The following MYCBP2 variants were observed in gnomAD, a reference collection of about 807,000 sequenced individuals.
MYCBP2 encodes MYC binding protein 2, also known as E3 ubiquitin-protein ligase MYCBP2.
MYCBP2 carries 120 observed loss-of-function variants against 525.3 expected under a neutral mutation model. The observed-to-expected ratio is 0.23, with a 90% CI of 0.20 to 0.27. The LOEUF is 0.27. Among genes scored for constraint, MYCBP2 ranks in the 10% least tolerant of loss-of-function variants. MYCBP2 has a pLI of 1.00. For synonymous variants in MYCBP2, 1,894 were observed against 1,955.8 expected (o/e 0.97, Z 0.83); for missense variants, 4,149 against 5,657.1 (o/e 0.73, Z 8.55).
At chr13:77,262,599 A>G (rs1391643860) in intron 10 of MYCBP2, among the ~76,000 whole-genome samples, 2 of 152,038 alleles carry the variant, frequency 1.3e-5, no homozygotes, top group East Asian at 1.9e-4. Flanking sequence ...TGCCATGCAG[A>G]TATTTGAATT....
At chr13:77,174,930 T>TATATTTTA (rs2059525331) in intron 36 of MYCBP2, among the ~76,000 whole-genome samples, 6 of 3,392 alleles carry the variant, frequency 1.8e-3, no homozygotes, top group Non-Finnish European at 9.7e-3. Flanking sequence ...TATATATATA[T>TATATTTTA]AATATATATA....
intron 51 of MYCBP2, 82 bp downstream of exon 51, chr13:77,139,965 A>AAC: frequency 1.2e-6 from 1 of 832,050 alleles, no homozygotes; most frequent in East Asian, 2.7e-5. Flanking sequence ...TCTGACAAAA[A>AAC]ACTCAGTAAC....
chr13:77,103,263 A>G (rs2154135551), intron 55 of MYCBP2: 1 of 397,926 alleles, frequency 2.5e-6, no homozygotes, highest in African/African-American at 2.1e-5. Flanking sequence ...GCTACACCAT[A>G]ATTTTTGTAA....
intron 15 of MYCBP2, among the ~76,000 whole-genome samples, chr13:77,244,799 G>A (rs2069569997): frequency 6.6e-6 from 1 of 152,098 alleles, no homozygotes; most frequent in African/African-American, 2.4e-5. Flanking sequence ...AATCTACAAA[G>A]AACTTAAACA....
chr13:77,095,540 T>C lies in MYCBP2; in HGVS notation c.10017A>G (p.Glu3339=). The change falls in exon 58 of 83, where the codon GAA becomes GAG. Residue 3339 remains glutamate (E), a synonymous_variant. Coordinates refer to ENST00000544440, the MANE Select transcript of MYCBP2 (RefSeq NM_015057.5). ...VKTPRALPTM[E]AHQVIKANAL... is the part of the protein sequence containing the mutation. Reference sequence around the variant, plus strand: ...CATTGGCTTTAATCACCTGGTGAGCTTCCATGGTGGGCAAGGCACGAGGGG... The same window carrying C: ...CATTGGCTTTAATCACCTGGTGAGCCTCCATGGTGGGCAAGGCACGAGGGG... 1 of 1,613,594 alleles carries C rather than the reference T, an allele frequency of 6.2e-7. No homozygotes were observed. Among genetic ancestry groups the C allele is most frequent in the Non-Finnish European group, 8.5e-7 (1 of 1,179,694 alleles).
In MYCBP2 at chr13:77,194,960, C is replaced by T. The variant is rs1202249240; in HGVS notation, c.3844-716G>A. On this transcript the variant is annotated intron_variant, in intron 26 of 82. Coordinates refer to ENST00000544440, the MANE Select transcript of MYCBP2 (RefSeq NM_015057.5). ...AAAAAAACAGAAAAGATATCCAATA[C>T]AAAAAGGTTATGAAATTAAGTGAAA... is the stretch of plus-strand genomic sequence containing the variant. Among the ~76,000 whole-genome samples the T allele has an allele frequency of 3.3e-5, 5 of 149,430 alleles. No homozygotes were observed. In the South Asian group the frequency reaches 8.4e-4, roughly 25 times the overall value.
At chr13:77,090,008 C>A (rs959970484) in intron 60 of MYCBP2, 98 bp downstream of exon 60, 65 of 1,057,182 alleles carry the variant, frequency 6.1e-5, no homozygotes, top group Admixed American at 4.1e-4. Context: ...ATGCCTTTTC[C>A]TTCAAAAATT....
Position 77,267,783 on chromosome 13 carries a change from T to G in MYCBP2, c.1357+58A>C. 8.4e-6 allele frequency: 11 copies of G among 1,304,934 alleles called. 1 individual carries two copies. The highest frequency in any genetic ancestry group is 4.8e-5 in the South Asian group (4 of 84,122). The allele number at this position is 1,304,934 out of a possible 1,614,324, so 80.8% of individuals were successfully genotyped here. On this transcript the variant is annotated intron_variant, in intron 8 of 82. Coordinates refer to ENST00000544440, the MANE Select transcript of MYCBP2 (RefSeq NM_015057.5). ...ATCATTCTTTATGTGTCTAAATAGC[T>G]TAACATGCACATTTCTTAAAATTGC...
chr13:77,126,255 G>T, intron 53 of MYCBP2, 63 bp downstream of exon 53: 1 of 1,400,964 alleles, frequency 7.1e-7, no homozygotes, highest in Non-Finnish European at 9.9e-7. Context: ...TAGAAGAGAT[G>T]CTTTGGTTGT....
At chr13:77,092,091 A>G (rs1452836843) in intron 59 of MYCBP2, among the ~76,000 whole-genome samples, 3 of 151,548 alleles carry the variant, frequency 2.0e-5, no homozygotes, top group African/African-American at 7.3e-5. Context: ...GAAAAAAAAA[A>G]AAAACCTCAT....
At chr13:77,049,347 G>A (rs2036245936) in intron 82 of MYCBP2, among the ~76,000 whole-genome samples, 1 of 152,110 alleles carries the variant, frequency 6.6e-6, no homozygotes, top group African/African-American at 2.4e-5. Context: ...TATTTGACAT[G>A]AGCAAATGGT....
chr13:77,195,551 G>A (rs1595328059), intron 26 of MYCBP2, among the ~76,000 whole-genome samples: 1 of 152,038 alleles, frequency 6.6e-6, no homozygotes, highest in East Asian at 1.9e-4. Flanking sequence ...GAGCCAAGAT[G>A]GCATCACTGC....
intron 55 of MYCBP2, among the ~76,000 whole-genome samples, chr13:77,116,495 CT>C (rs908966572): frequency 2.4e-4 from 36 of 151,858 alleles, no homozygotes; most frequent in Admixed American, 1.9e-3. Context: ...AGATTCCATA[CT>C]TTTTTTTGTG....
chr13:77,176,729 G>T, intron 35 of MYCBP2, 101 bp from the exon 36 acceptor site: 1 of 1,009,838 alleles, frequency 9.9e-7, no homozygotes, highest in Non-Finnish European at 1.3e-6. Flanking sequence ...TTATTTTCTT[G>T]AATATAAAAT....
chr13:77,219,128 C>T (rs1258388434), intron 20 of MYCBP2, among the ~76,000 whole-genome samples: 1 of 152,092 alleles, frequency 6.6e-6, no homozygotes, highest in East Asian at 1.9e-4. Flanking sequence ...CCTAATTTCC[C>T]TTATGAGTCT....
In MYCBP2 at chr13:77,288,192, T is replaced by A; in HGVS notation, c.563A>T (p.Glu188Val). 6.2e-7 allele frequency: 1 copy of A among 1,614,176 alleles called. No individual in the cohort carries two copies. Among genetic ancestry groups the A allele is most frequent in the South Asian group, 1.1e-5 (1 of 91,092 alleles). Residue 188 changes from glutamate to valine, a missense_variant, in exon 3 of 83, where the codon GAA becomes GTA. Coordinates refer to ENST00000544440, the MANE Select transcript of MYCBP2 (RefSeq NM_015057.5). ...SGESDSDEEE[E>V]SKEPPIKLPK... is the part of the protein sequence containing the mutation. Reference sequence around the variant, plus strand: ...AAGCTTGATAGGGGGCTCTTTGGATTCCTCTTCTTCATCACTATCTGATTC... The same window carrying A: ...AAGCTTGATAGGGGGCTCTTTGGATACCTCTTCTTCATCACTATCTGATTC...
At chr13:77,313,577 C>A (rs1372409590) in intron 1 of MYCBP2, among the ~76,000 whole-genome samples, 1 of 152,002 alleles carries the variant, frequency 6.6e-6, no homozygotes, top group East Asian at 1.9e-4. Flanking sequence ...TTAGCTACAA[C>A]ACCAAGGTAC....
chr13:77,154,577 A>G (rs535429531), intron 46 of MYCBP2, among the ~76,000 whole-genome samples: 69 of 152,270 alleles, frequency 4.5e-4, no homozygotes, highest in Non-Finnish European at 7.9e-4. Context: ...AAATACAACT[A>G]AAGAAATATC....
rs199969684 is a variant in MYCBP2 at position 77,246,539 on chromosome 13, AAGG to A, written c.2382-2591_2382-2589del. Among the ~76,000 whole-genome samples the A allele has an allele frequency of 8.9e-3, 1,327 of 149,902 alleles. 20 individuals are homozygous for A. The highest frequency in any genetic ancestry group is 0.029 in the African/African-American group (1,183 of 40,886). Reference sequence around the variant, plus strand: ...GGAGGAGAAGGAGGAAAAGAAGGAGAAGGAGGAGGAGGAGGAGCAGGAGGAGAA... The same window carrying A: ...GGAGGAGAAGGAGGAAAAGAAGGAGAAGGAGGAGGAGGAGCAGGAGGAGAA... On this transcript the variant is annotated intron_variant, in intron 15 of 82. Transcript: ENST00000544440.
Sources: allele counts gnomAD v4.1 joint callset (sites outside exome capture counted in the v4.1 genomes callset), GRCh38; gene constraint gnomAD v4.1.1; transcripts MANE v1.5; gene names NCBI Gene and HGNC (gene_info 2026-07-23, HGNC 2026-07-21).